OR2W1: variants seen among roughly 807,000 people sequenced by gnomAD.
OR2W1 encodes the protein olfactory receptor family 2 subfamily W member 1.
For missense variants in OR2W1, 367 were observed against 385.3 expected (o/e 0.95, Z 0.40); for synonymous variants, 133 against 137.8 (o/e 0.97, Z 0.24).
rs1392539842 is a variant in OR2W1, at chr6:29,044,230, T to C, written c.946A>G (p.Arg316Gly). 6.4e-7 allele frequency: 1 copy of C among 1,564,080 alleles called. No individual in the cohort carries two copies. Among genetic ancestry groups the C allele is most frequent in the Non-Finnish European group, 8.6e-7 (1 of 1,157,038 alleles). Reference protein sequence around the residue: ...RFHHKSTKIKRNCKS With the variant: ...RFHHKSTKIKGNCKS ...GTCTTTATCTATGACTTGCAATTCCTCTTTATTTTTGTAGATTTGTGGTGA... is the reference window on the plus strand; with the variant it reads ...GTCTTTATCTATGACTTGCAATTCCCCTTTATTTTTGTAGATTTGTGGTGA... The change falls in exon 1 of 1, where the codon AGG becomes GGG. Residue 316 changes from arginine (R) to glycine (G), a missense_variant. By Grantham distance (125) the Arg-to-Gly change is moderately radical. Transcript: ENST00000377175. This position sits in a 1 kb window ranked among gnomAD's most constrained non-coding sequence, Gnocchi z 4.3.
chr6:29,044,394 T>G lies in OR2W1; in HGVS notation c.782A>C (p.Gln261Pro), dbSNP rs749953195. 1.2e-6 allele frequency: 2 copies of G among 1,612,320 alleles called. No homozygotes were observed. Among genetic ancestry groups the G allele is most frequent in the South Asian group, 2.2e-5 (2 of 91,046 alleles). Reference sequence around the variant, plus strand: ...GTCTTTGGAAGCCCTGTTACCTGGTTGCAGGTACATGTAGATAATAGTTCC... The same window carrying G: ...GTCTTTGGAAGCCCTGTTACCTGGTGGCAGGTACATGTAGATAATAGTTCC... The part of the protein sequence containing the change: ...FYGTIIYMYL[Q>P]PGNRASKDQG... The change falls in exon 1 of 1, where the codon CAA (glutamine) becomes CCA (proline). Residue 261 changes from glutamine to proline, a missense_variant. Physicochemically the swap from Gln to Pro is moderately conservative, Grantham distance 76. Coordinates refer to ENST00000377175, the MANE Select transcript of OR2W1 (RefSeq NM_030903.3). This position sits in a 1 kb window ranked among gnomAD's most constrained non-coding sequence, Gnocchi z 4.3.
In OR2W1 at chr6:29,044,319, T is replaced by C. The variant is rs1158984248; in HGVS notation, c.857A>G (p.Asn286Ser). 15 of 1,612,672 alleles carry C rather than the reference T, an allele frequency of 9.3e-6. No homozygotes were observed. The highest frequency in any genetic ancestry group is 1.2e-5 in the Non-Finnish European group (14 of 1,179,922). The change falls in exon 1 of 1, where the codon AAC becomes AGC. Residue 286 changes from asparagine (N) to serine (S), a missense_variant. By Grantham distance (46) the Asn-to-Ser change is conservative (BLOSUM62 1). Transcript: ENST00000377175. This position sits in a 1 kb window ranked among gnomAD's most constrained non-coding sequence, Gnocchi z 4.3. ...LFYTVITPSL[N>S]PLIYTLRNKD... ...ATTTCTTAAGGTGTAAATGAGCGGG[T>C]TGAGACTTGGAGTGATGACGGTGTA...
Position 29,044,359 on chromosome 6 carries a change from A to T in OR2W1, c.817T>A (p.Phe273Ile), listed in dbSNP as rs1367221496. The T allele has an allele frequency of 6.2e-7, 1 of 1,612,732 alleles. No homozygotes were observed. The highest frequency in any genetic ancestry group is 2.2e-5 in the East Asian group (1 of 44,890). ...ATGACGGTGTAAAAGAGGGTGAGGAACTTGCCCTGGTCTTTGGAAGCCCTG... is the reference window on the plus strand; with the variant it reads ...ATGACGGTGTAAAAGAGGGTGAGGATCTTGCCCTGGTCTTTGGAAGCCCTG... ...GNRASKDQGK[F>I]LTLFYTVITP... is the part of the protein sequence containing the mutation. The change falls in exon 1 of 1, where the codon TTC (phenylalanine) becomes ATC (isoleucine). Residue 273 changes from phenylalanine to isoleucine, a missense_variant. Physicochemically the swap from Phe to Ile is conservative, Grantham distance 21 (BLOSUM62 0). Transcript: ENST00000377175. The surrounding 1 kb of genome is among the most constrained non-coding windows in gnomAD (Gnocchi z 4.3).
In OR2W1 at chr6:29,044,427, A is replaced by G; in HGVS notation, c.749T>C (p.Met250Thr). ...TCGSHLTVVS[M>T]FYGTIIYMYL... Reference sequence around the variant, plus strand: ...CATGTAGATAATAGTTCCATAGAACATAGACACTACAGTAAGATGAGATCC... The same window carrying G: ...CATGTAGATAATAGTTCCATAGAACGTAGACACTACAGTAAGATGAGATCC... Residue 250 changes from methionine to threonine, a missense_variant, in exon 1 of 1, where the codon ATG (methionine) becomes ACG (threonine). Transcript: ENST00000377175. The surrounding 1 kb of genome is among the most constrained non-coding windows in gnomAD (Gnocchi z 4.3). 1 of 1,612,696 alleles carries G rather than the reference A, an allele frequency of 6.2e-7. No homozygotes were observed. Among genetic ancestry groups the G allele is most frequent in the Non-Finnish European group, 8.5e-7 (1 of 1,179,992 alleles).
rs1413394996 is a variant in OR2W1, at chr6:29,044,437, C to T, written c.739G>A (p.Val247Ile). ...AMNTCGSHLT[V>I]VSMFYGTIIY... ...ATAGTTCCATAGAACATAGACACTA[C>T]AGTAAGATGAGATCCACAGGTATTC... Residue 247 changes from valine to isoleucine, a missense_variant, in exon 1 of 1, where the codon GTA becomes ATA. Physicochemically the swap from Val to Ile is conservative, Grantham distance 29. Coordinates refer to ENST00000377175, the MANE Select transcript of OR2W1 (RefSeq NM_030903.3). The surrounding 1 kb of genome is among the most constrained non-coding windows in gnomAD (Gnocchi z 4.3). 6.2e-7 allele frequency: 1 copy of T among 1,612,960 alleles called. No homozygotes were observed. The highest frequency in any genetic ancestry group is 8.5e-7 in the Non-Finnish European group (1 of 1,179,978).
rs375035479 is a variant in OR2W1 at position 29,045,089 on chromosome 6, T to A, written c.87A>T (p.Gly29=). ...TAATTAAGTAGAAGATGGCGACAAC[T>A]CCTGACAGGATCATCTCCATTTTTG... The part of the protein sequence containing the change: ...NHPKMEMILS[G]VVAIFYLITL... Residue 29 remains glycine, a synonymous_variant, in exon 1 of 1, where the codon GGA becomes GGT. Coordinates refer to ENST00000377175, the MANE Select transcript of OR2W1 (RefSeq NM_030903.3). 6 of 1,612,824 alleles carry A rather than the reference T, an allele frequency of 3.7e-6. No individual in the cohort carries two copies. The African/African-American group carries it at 8.0e-5, about 22-fold the overall frequency.
At position 29,044,562 on chromosome 6, in the gene OR2W1, A is replaced by G. The variant is rs1451375010; in HGVS notation, c.614T>C (p.Ile205Thr). 2.5e-6 allele frequency: 4 copies of G among 1,612,936 alleles called. No homozygotes were observed. The Admixed American group carries it at 6.7e-5, about 27-fold the overall frequency. The change falls in exon 1 of 1, where the codon ATA becomes ACA. Residue 205 changes from isoleucine (I) to threonine (T), a missense_variant. Coordinates refer to ENST00000377175, the MANE Select transcript of OR2W1 (RefSeq NM_030903.3). The surrounding 1 kb of genome is among the most constrained non-coding windows in gnomAD (Gnocchi z 4.3). ...VEMSVFALGIIIVLTPLILIL... is the reference protein window; with the variant it reads ...VEMSVFALGITIVLTPLILIL... Reference sequence around the variant, plus strand: ...AAGGATGAGAGGTGTGAGGACAATTATAATGCCTAAAGCGAAAACAGACAT... The same window carrying G: ...AAGGATGAGAGGTGTGAGGACAATTGTAATGCCTAAAGCGAAAACAGACAT...
rs7341215 is a variant in OR2W1 at position 29,044,291 on chromosome 6, C to G, written c.885G>C (p.Lys295Asn). ...LNPLIYTLRNKDMKDALKKLM... is the reference protein window; with the variant it reads ...LNPLIYTLRNNDMKDALKKLM... ...GTTTCTTCAGGGCATCCTTCATGTC[C>G]TTATTTCTTAAGGTGTAAATGAGCG... Residue 295 changes from lysine to asparagine, a missense_variant, in exon 1 of 1, where the codon AAG (lysine) becomes AAC (asparagine). Physicochemically the swap from Lys to Asn is moderately conservative, Grantham distance 94. Transcript: ENST00000377175. This position sits in a 1 kb window ranked among gnomAD's most constrained non-coding sequence, Gnocchi z 4.3. The G allele has an allele frequency of 5.0e-6, 8 of 1,611,318 alleles. No homozygotes were observed. The highest frequency in any genetic ancestry group is 6.8e-6 in the Non-Finnish European group (8 of 1,179,396).
At position 29,044,473 on chromosome 6, in the gene OR2W1, G is replaced by A. The variant is rs371360591; in HGVS notation, c.703C>T (p.Arg235Ter). 64 of 1,612,926 alleles carry A rather than the reference G, an allele frequency of 4.0e-5. 1 individual carries two copies. The highest frequency in any genetic ancestry group is 2.7e-4 in the East Asian group (12 of 44,872). ...VLRTKSKASQ[R>*]KAMNTCGSHL... ...GATCCACAGGTATTCATTGCTTTTC[G>A]CTGGCTTGCTTTTGACTTCGTTCTC... is the stretch of plus-strand genomic sequence containing the variant. Residue 235 changes from arginine (R) to a stop codon, truncating the protein, a stop_gained, in exon 1 of 1, where the codon CGA becomes TGA. Transcript: ENST00000377175. LOFTEE classifies it low-confidence loss of function (END_TRUNC). This position sits in a 1 kb window ranked among gnomAD's most constrained non-coding sequence, Gnocchi z 4.3.
In OR2W1 at chr6:29,044,255, A is replaced by T; in HGVS notation, c.921T>A (p.Phe307Leu). Residue 307 changes from phenylalanine (F) to leucine (L), a missense_variant, in exon 1 of 1, where the codon TTT becomes TTA. Physicochemically the swap from Phe to Leu is conservative, Grantham distance 22. Coordinates refer to ENST00000377175, the MANE Select transcript of OR2W1 (RefSeq NM_030903.3). This position sits in a 1 kb window ranked among gnomAD's most constrained non-coding sequence, Gnocchi z 4.3. ...MKDALKKLMR[F>L]HHKSTKIKRN... ...TCTTTATTTTTGTAGATTTGTGGTG[A>T]AATCTCATCAGTTTCTTCAGGGCAT... The T allele has an allele frequency of 6.3e-7, 1 of 1,593,988 alleles. No individual in the cohort carries two copies.
chr6:29,044,453 A>T lies in OR2W1; in HGVS notation c.723T>A (p.Cys241Ter). The T allele has an allele frequency of 6.2e-7, 1 of 1,613,052 alleles. No homozygotes were observed. The highest frequency in any genetic ancestry group is 2.2e-5 in the East Asian group (1 of 44,878). Residue 241 changes from cysteine (C) to a stop codon, truncating the protein, a stop_gained, in exon 1 of 1, where the codon TGT (cysteine) becomes TGA (stop). Coordinates refer to ENST00000377175, the MANE Select transcript of OR2W1 (RefSeq NM_030903.3). LOFTEE classifies it low-confidence loss of function (END_TRUNC). This position sits in a 1 kb window ranked among gnomAD's most constrained non-coding sequence, Gnocchi z 4.3. Reference sequence around the variant, plus strand: ...TAGACACTACAGTAAGATGAGATCCACAGGTATTCATTGCTTTTCGCTGGC... The same window carrying T: ...TAGACACTACAGTAAGATGAGATCCTCAGGTATTCATTGCTTTTCGCTGGC... ...KASQRKAMNTCGSHLTVVSMF... is the reference protein window; with the variant it reads ...KASQRKAMNT
chr6:29,044,849 T>G lies in OR2W1; in HGVS notation c.327A>C (p.Ser109=), dbSNP rs763306426. The change falls in exon 1 of 1, where the codon TCA becomes TCC. Residue 109 remains serine (S), a synonymous_variant. Coordinates refer to ENST00000377175, the MANE Select transcript of OR2W1 (RefSeq NM_030903.3). The surrounding 1 kb of genome is among the most constrained non-coding windows in gnomAD (Gnocchi z 4.3). ...IQLYVYMWLG[S]VECLLLAVMS... is the part of the protein sequence containing the mutation. Reference sequence around the variant, plus strand: ...TAACAGCCAGGAGAAGGCACTCAACTGAGCCCAACCACATGTAAACATAGA... The same window carrying G: ...TAACAGCCAGGAGAAGGCACTCAACGGAGCCCAACCACATGTAAACATAGA... 3.9e-5 allele frequency: 63 copies of G among 1,612,860 alleles called. No individual in the cohort carries two copies. Among genetic ancestry groups the G allele is most frequent in the Non-Finnish European group, 2.9e-5 (34 of 1,179,994 alleles).
Position 29,044,912 on chromosome 6 carries a change from A to G in OR2W1, c.264T>C (p.Pro88=), listed in dbSNP as rs768470592. The G allele has an allele frequency of 6.2e-7, 1 of 1,612,986 alleles. No homozygotes were observed. Among genetic ancestry groups the G allele is most frequent in the South Asian group, 1.1e-5 (1 of 91,070 alleles). Residue 88 remains proline (P), a synonymous_variant, in exon 1 of 1, where the codon CCT becomes CCC. Coordinates refer to ENST00000377175, the MANE Select transcript of OR2W1 (RefSeq NM_030903.3). This position sits in a 1 kb window ranked among gnomAD's most constrained non-coding sequence, Gnocchi z 4.3. ...AACCCACATAGCTGATGGTCTTATCAGGTCCCCACAAGTTGACCAGCATCT... is the reference window on the plus strand; with the variant it reads ...AACCCACATAGCTGATGGTCTTATCGGGTCCCCACAAGTTGACCAGCATCT... ...IPQMLVNLWG[P]DKTISYVGCI...
rs113766184 is a variant in OR2W1 at position 29,044,225 on chromosome 6, A to G, written c.951T>C (p.Asn317=). 2.3e-5 allele frequency: 36 copies of G among 1,558,862 alleles called. 1 individual carries two copies. In the African/African-American group the frequency reaches 2.5e-4, roughly 11 times the overall value. The change falls in exon 1 of 1, where the codon AAT becomes AAC. Residue 317 remains asparagine, a synonymous_variant. Transcript: ENST00000377175. The surrounding 1 kb of genome is among the most constrained non-coding windows in gnomAD (Gnocchi z 4.3). ...FHHKSTKIKR[N]CKS ...CTCTAGTCTTTATCTATGACTTGCA[A>G]TTCCTCTTTATTTTTGTAGATTTGT...
In OR2W1 at chr6:29,045,104, C is replaced by T. The variant is rs1289030035; in HGVS notation, c.72G>A (p.Glu24=). The T allele has an allele frequency of 6.2e-7, 1 of 1,612,922 alleles. No individual in the cohort carries two copies. Among genetic ancestry groups the T allele is most frequent in the African/African-American group, 1.3e-5 (1 of 75,040 alleles). ...LLGFSNHPKM[E]MILSGVVAIF... Reference sequence around the variant, plus strand: ...TGGCGACAACTCCTGACAGGATCATCTCCATTTTTGGATGGTTAGAGAAGC... The same window carrying T: ...TGGCGACAACTCCTGACAGGATCATTTCCATTTTTGGATGGTTAGAGAAGC... The change falls in exon 1 of 1, where the codon GAG becomes GAA. Residue 24 remains glutamate, a synonymous_variant. Transcript: ENST00000377175.
chr6:29,044,819 G>A lies in OR2W1; in HGVS notation c.357C>T (p.Ser119=), dbSNP rs770907442. ...TACATATAGCTGTAAAACGATCATAGGACATAACAGCCAGGAGAAGGCACT... is the reference window on the plus strand; with the variant it reads ...TACATATAGCTGTAAAACGATCATAAGACATAACAGCCAGGAGAAGGCACT... ...SVECLLLAVM[S]YDRFTAICKP... is the part of the protein sequence containing the mutation. The change falls in exon 1 of 1, where the codon TCC becomes TCT. Residue 119 remains serine, a synonymous_variant. Coordinates refer to ENST00000377175, the MANE Select transcript of OR2W1 (RefSeq NM_030903.3). This position sits in a 1 kb window ranked among gnomAD's most constrained non-coding sequence, Gnocchi z 4.3. 2 of 1,612,952 alleles carry A rather than the reference G, an allele frequency of 1.2e-6. No homozygotes were observed. Among genetic ancestry groups the A allele is most frequent in the Admixed American group, 1.7e-5 (1 of 60,010 alleles).
In OR2W1 at chr6:29,044,886, C is replaced by A; in HGVS notation, c.290G>T (p.Cys97Phe). 1 of 1,612,902 alleles carries A rather than the reference C, an allele frequency of 6.2e-7. No homozygotes were observed. The highest frequency in any genetic ancestry group is 8.5e-7 in the Non-Finnish European group (1 of 1,179,942). Residue 97 changes from cysteine to phenylalanine, a missense_variant, in exon 1 of 1, where the codon TGT becomes TTT. Coordinates refer to ENST00000377175, the MANE Select transcript of OR2W1 (RefSeq NM_030903.3). The surrounding 1 kb of genome is among the most constrained non-coding windows in gnomAD (Gnocchi z 4.3). The stretch of plus-strand genomic sequence containing the variant: ...CATGTAAACATAGAGTTGGATGATA[C>A]AACCCACATAGCTGATGGTCTTATC... ...GPDKTISYVG[C>F]IIQLYVYMWL...
At position 29,044,747 on chromosome 6, in the gene OR2W1, C is replaced by T; in HGVS notation, c.429G>A (p.Lys143=). ...FVVMNPHLCL[K]MIIMIWSISL... is the part of the protein sequence containing the mutation. The stretch of plus-strand genomic sequence containing the variant: ...TAATACTCCAGATCATGATAATCAT[C>T]TTTAGACATAGATGTGGGTTCATGA... Residue 143 remains lysine, a synonymous_variant, in exon 1 of 1, where the codon AAG becomes AAA. Transcript: ENST00000377175. The surrounding 1 kb of genome is among the most constrained non-coding windows in gnomAD (Gnocchi z 4.3). 1 of 1,612,836 alleles carries T rather than the reference C, an allele frequency of 6.2e-7. No individual in the cohort carries two copies.
rs779408127 is a variant in OR2W1 at position 29,045,039 on chromosome 6, A to G, written c.137T>C (p.Ile46Thr). Residue 46 changes from isoleucine (I) to threonine (T), a missense_variant, in exon 1 of 1, where the codon ATT becomes ACT. Transcript: ENST00000377175. ...CTGGGAATCCAGGAGAGATGCAAGA[A>G]TGATGGCTGTGTTACCCACCAATGT... is the stretch of plus-strand genomic sequence containing the variant. ...LITLVGNTAI[I>T]LASLLDSQLH... 1 of 1,613,090 alleles carries G rather than the reference A, an allele frequency of 6.2e-7. No homozygotes were observed. Among genetic ancestry groups the G allele is most frequent in the South Asian group, 1.1e-5 (1 of 91,086 alleles).
Sources: gnomAD v4.1 joint callset for allele counts on GRCh38, gnomAD v4.1.1 for gene constraint, Gnocchi (gnomAD v3.1) non-coding constraint, MANE v1.5 for transcripts, NCBI Gene and HGNC (gene_info 2026-07-23, HGNC 2026-07-21) for gene names.